Variants in STARD13 observed in about 807,000 individuals in gnomAD.
STARD13 encodes the protein stAR-related lipid transfer protein 13.
A neutral mutation model predicts 106.4 loss-of-function variants in STARD13; 62 were observed. The ratio of observed to expected loss-of-function variants is 0.58; its 90% CI spans 0.48 to 0.72. STARD13 has a LOEUF of 0.72. STARD13 is among the 30% of genes least tolerant of loss of function. The pLI, the probability that STARD13 is intolerant of heterozygous loss-of-function variation, is 0.00. For synonymous variants in STARD13, 565 were observed against 553.0 expected (o/e 1.02, Z -0.31); for missense variants, 1,387 against 1,424.0 (o/e 0.97, Z 0.42).
chr13:33,108,548 T>C (rs577400182), intron 12 of STARD13, among the ~76,000 whole-genome samples: 3 of 152,350 alleles, frequency 2.0e-5, no homozygotes, highest in Admixed American at 2.0e-4. Context: ...TTATGGACTT[T>C]CCCCAGTGAA....
At chr13:33,473,595 C>T in the STARD13 span, among the ~76,000 whole-genome samples, 1 of 152,118 alleles carries the variant, frequency 6.6e-6, no homozygotes, top group South Asian at 2.1e-4. Context: ...CAGACCAAAC[C>T]CCTGCTGTTT....
the STARD13 span, among the ~76,000 whole-genome samples, chr13:33,612,281 C>A: frequency 1.3e-5 from 2 of 152,204 alleles, no homozygotes; most frequent in African/African-American, 4.8e-5. Flanking sequence ...CCTTAAGACA[C>A]TTGACTTTCC....
chr13:33,112,593 T>C (rs1874749283), intron 9 of STARD13, 128 bp downstream of exon 9: 1 of 747,218 alleles, frequency 1.3e-6, no homozygotes, highest in Non-Finnish European at 2.2e-6. Flanking sequence ...TACCTACCTA[T>C]CTATCTATAA....
chr13:33,628,840 A>G, the STARD13 span, among the ~76,000 whole-genome samples: 1 of 152,214 alleles, frequency 6.6e-6, no homozygotes, highest in Non-Finnish European at 1.5e-5. Flanking sequence ...GGAAAGTTGC[A>G]TCACTCTTCA....
Position 33,128,800 on chromosome 13 carries a change from A to T in STARD13, c.1748+129T>A, listed in dbSNP as rs917961059. 7 of 894,194 alleles carry T rather than the reference A, an allele frequency of 7.8e-6. No individual in the cohort carries two copies. In the African/African-American group the frequency reaches 1.2e-4, roughly 15 times the overall value. The allele number at this position is 894,194 out of a possible 1,614,324, so 55.4% of individuals were successfully genotyped here. The stretch of plus-strand genomic sequence containing the variant: ...CATACTTCTGTTCAAATAATTCCTA[A>T]TCACATACATCACTTAGAACAGAGT... On this transcript the variant is annotated intron_variant, in intron 5 of 13. Transcript: ENST00000336934.
At chr13:33,263,105 T>C (rs1890729946) in intron 1 of STARD13, among the ~76,000 whole-genome samples, 1 of 152,182 alleles carries the variant, frequency 6.6e-6, no homozygotes. Context: ...ATTAGAAGGA[T>C]TATAAAACCC....
At chr13:33,367,314 C>T in the STARD13 span, among the ~76,000 whole-genome samples, 1 of 152,178 alleles carries the variant, frequency 6.6e-6, no homozygotes, top group Admixed American at 6.5e-5. Flanking sequence ...ATAAAGCACA[C>T]ATTTGGGTAA....
the STARD13 span, among the ~76,000 whole-genome samples, chr13:33,667,160 T>C: frequency 6.6e-6 from 1 of 152,224 alleles, no homozygotes; most frequent in Non-Finnish European, 1.5e-5. Context: ...TATCTCTGTT[T>C]AAGAAGCTTC....
chr13:33,511,347 A>G, the STARD13 span: 10 of 152,152 alleles, frequency 6.6e-5, no homozygotes, highest in Non-Finnish European at 1.3e-4. Context: ...CTGCAGTCCA[A>G]GATATATTTA....
chr13:33,169,341 T>C (rs1883687034), intron 1 of STARD13, among the ~76,000 whole-genome samples: 1 of 152,212 alleles, frequency 6.6e-6, no homozygotes, highest in Non-Finnish European at 1.5e-5. Context: ...GAGTCTGTAT[T>C]TGAAGGTTCC....
At chr13:33,158,000 A>G (rs547544019) in intron 3 of STARD13, among the ~76,000 whole-genome samples, 1 of 152,332 alleles carries the variant, frequency 6.6e-6, no homozygotes, top group South Asian at 2.1e-4. Flanking sequence ...TCAGAATACA[A>G]TTACAATTGT....
the STARD13 span, among the ~76,000 whole-genome samples, chr13:33,494,368 C>T: frequency 3.3e-5 from 5 of 150,582 alleles, no homozygotes; most frequent in Non-Finnish European, 7.4e-5. Flanking sequence ...CCAGGAGAGC[C>T]GTGATTTTAT....
the STARD13 span, among the ~76,000 whole-genome samples, chr13:33,476,975 T>C: frequency 6.6e-6 from 1 of 152,134 alleles, no homozygotes; most frequent in Non-Finnish European, 1.5e-5. Context: ...GTTCAATCCT[T>C]TGAGGTCCAG....
the STARD13 span, among the ~76,000 whole-genome samples, chr13:33,658,816 G>A: frequency 6.6e-6 from 1 of 152,174 alleles, no homozygotes; most frequent in Non-Finnish European, 1.5e-5. Flanking sequence ...GAGAGAGTTG[G>A]GACTTTCACT....
the STARD13 span, among the ~76,000 whole-genome samples, chr13:33,534,446 G>T: frequency 6.6e-6 from 1 of 152,248 alleles, no homozygotes; most frequent in African/African-American, 2.4e-5. Flanking sequence ...TGTATTTTCT[G>T]TCTGGTTTTA....
chr13:33,349,836 G>C (rs940861972), intron 1 of STARD13, among the ~76,000 whole-genome samples: 1 of 152,200 alleles, frequency 6.6e-6, no homozygotes, highest in African/African-American at 2.4e-5. Context: ...TCCTTGCCTT[G>C]CATTCACTCT....
At chr13:33,220,124 G>GCA (rs1888274051) in intron 1 of STARD13, among the ~76,000 whole-genome samples, 1 of 152,172 alleles carries the variant, frequency 6.6e-6, no homozygotes, top group Non-Finnish European at 1.5e-5. Flanking sequence ...AGTGGGTAGA[G>GCA]CACTGCTGGC....
At chr13:33,142,530 A>T (rs1879975055) in intron 3 of STARD13, among the ~76,000 whole-genome samples, 157 bp from the exon 4 acceptor site, 1 of 152,190 alleles carries the variant, frequency 6.6e-6, no homozygotes, top group Non-Finnish European at 1.5e-5. Flanking sequence ...GCTATATAGT[A>T]GTTCCCATTT....
intron 1 of STARD13, among the ~76,000 whole-genome samples, chr13:33,203,914 T>C (rs1887227115): frequency 1.3e-5 from 2 of 152,346 alleles, no homozygotes; most frequent in Admixed American, 1.3e-4. Context: ...ATAAATGTCT[T>C]ACTGACATTT....
Sources: gnomAD v4.1 joint callset for allele counts (sites outside exome capture counted in the v4.1 genomes callset) on GRCh38, gnomAD v4.1.1 for gene constraint, MANE v1.5 for transcripts, NCBI Gene and HGNC (gene_info 2026-07-23, HGNC 2026-07-21) for gene names.